The following PSMG2 variants were observed in gnomAD, a reference collection of about 807,000 sequenced individuals.
PSMG2 encodes the protein CD40 ligand-activated specific transcript 3.
In PSMG2, 21 loss-of-function variants were observed where a neutral mutation model predicts 31.5. That is an observed-to-expected ratio of 0.67 (90% CI 0.47 to 0.96). The LOEUF (loss-of-function observed/expected upper bound fraction) is 0.96. Ranked by LOEUF, PSMG2 falls within the 40% of genes least tolerant of loss-of-function variation. PSMG2 has a pLI of 0.00. For synonymous variants in PSMG2, 120 were observed against 110.4 expected, an observed-to-expected ratio of 1.09 and a Z score of -0.54; for missense variants, 318 against 321.2, an observed-to-expected ratio of 0.99 and a Z score of 0.08.
At chr18:12,704,259 GTTAAAGATTTGGGTTGTATAA>G (rs2040236829) in intron 1 of PSMG2, among the ~76,000 whole-genome samples, 1 of 152,126 alleles carries the variant, frequency 6.6e-6, no homozygotes, top group African/African-American at 2.4e-5. Flanking sequence ...TAGAAAACAA[GTTAAAGATTTGGGTTGTATAA>G]TATATATTCA....
In PSMG2 at chr18:12,706,720, A is replaced by G. The variant is rs371581962; in HGVS notation, c.228A>G (p.Glu76=). The G allele has an allele frequency of 6.3e-7, 1 of 1,598,590 alleles. No individual in the cohort carries two copies. Among genetic ancestry groups the G allele is most frequent in the African/African-American group, 1.3e-5 (1 of 74,750 alleles). Reference sequence around the variant, plus strand: ...CAACAGAACTTAGCATAAATGCTGAAGGTATGTAAGACTTTACCTTGTATT... The same window carrying G: ...CAACAGAACTTAGCATAAATGCTGAGGGTATGTAAGACTTTACCTTGTATT... ...GNSTELSINA[E]VYSLPSRKLV... is the part of the protein sequence containing the mutation. The change falls in exon 2 of 7, where the codon GAA becomes GAG. Residue 76 remains glutamate (E), a splice_region_variant and synonymous_variant. Coordinates refer to ENST00000317615, the MANE Select transcript of PSMG2 (RefSeq NM_020232.5).
intron 1 of PSMG2, among the ~76,000 whole-genome samples, chr18:12,666,928 CATA>C (rs1242701026): frequency 3.3e-5 from 5 of 151,910 alleles, no homozygotes; most frequent in African/African-American, 9.7e-5. Flanking sequence ...AAATCTTATT[CATA>C]ATGAGTTTAA....
chr18:12,666,295 C>T (rs1202235674), intron 1 of PSMG2, among the ~76,000 whole-genome samples: 1 of 152,098 alleles, frequency 6.6e-6, no homozygotes, highest in Non-Finnish European at 1.5e-5. Context: ...CACCCCTGCA[C>T]TCTAGCCTGG....
At chr18:12,702,548 T>G (rs2040196889), upstream of PSMG2, 7 of 1,598,054 alleles carry the variant, frequency 4.4e-6, no homozygotes, top group Non-Finnish European at 5.1e-6. Flanking sequence ...GGCAGCGACA[T>G]GCTGGCAGCC....
chr18:12,709,648 G>A (rs563039139), intron 2 of PSMG2, among the ~76,000 whole-genome samples: 19 of 151,916 alleles, frequency 1.3e-4, no homozygotes, highest in African/African-American at 4.3e-4. Context: ...ACAGGTCCAC[G>A]CCCCCACGCC....
At chr18:12,711,053 T>G (rs963920) in intron 2 of PSMG2, among the ~76,000 whole-genome samples, 37,366 of 151,326 alleles carry the variant, frequency 0.25, 5,119 homozygotes, top group Non-Finnish European at 0.32. Context: ...TGACCCGAGA[T>G]CACACCATTG....
chr18:12,688,228 CAAAA>C (rs11337170), intron 1 of PSMG2, among the ~76,000 whole-genome samples: 2 of 94,042 alleles, frequency 2.1e-5, no homozygotes, highest in Non-Finnish European at 4.3e-5. Context: ...GACTCCATCT[CAAAA>C]AAAAAAAAAA....
intron 3 of PSMG2, among the ~76,000 whole-genome samples, chr18:12,713,963 C>T (rs1204817502): frequency 6.6e-6 from 1 of 152,062 alleles, no homozygotes; most frequent in Non-Finnish European, 1.5e-5. Context: ...GTTGGCCAGG[C>T]TGGTCTCCAA....
At chr18:12,705,066 C>CTT (rs1013314195) in intron 1 of PSMG2, among the ~76,000 whole-genome samples, 4 of 144,556 alleles carry the variant, frequency 2.8e-5, no homozygotes, top group Admixed American at 6.9e-5. Flanking sequence ...TAATATTGAA[C>CTT]TTTTTTTTTT....
intron 1 of PSMG2, among the ~76,000 whole-genome samples, chr18:12,670,014 A>G (rs904733501): frequency 6.6e-6 from 1 of 150,636 alleles, no homozygotes; most frequent in African/African-American, 2.4e-5. Context: ...AAAGAAAAGA[A>G]AAAGAAAAAG....
intron 3 of PSMG2, among the ~76,000 whole-genome samples, chr18:12,717,580 A>C (rs944978867): frequency 6.6e-6 from 1 of 152,228 alleles, no homozygotes; most frequent in African/African-American, 2.4e-5. Flanking sequence ...ACACCCAAGA[A>C]AACCAGCATT....
intron 2 of PSMG2, among the ~76,000 whole-genome samples, chr18:12,709,008 C>T (rs1440582822): frequency 2.6e-5 from 4 of 151,412 alleles, no homozygotes; most frequent in African/African-American, 7.3e-5. Flanking sequence ...AGCAACTGCG[C>T]CCGGCCCCCG....
intron 2 of PSMG2, 87 bp downstream of exon 2, chr18:12,706,808 GC>G (rs1339102171): frequency 7.2e-7 from 1 of 1,391,880 alleles, no homozygotes; most frequent in Non-Finnish European, 9.6e-7. Flanking sequence ...TTGTTTTGTA[GC>G]AAATGTTTAC....
chr18:12,689,377 T>G (rs991780342), intron 1 of PSMG2, among the ~76,000 whole-genome samples: 1 of 152,160 alleles, frequency 6.6e-6, no homozygotes, highest in Non-Finnish European at 1.5e-5. Context: ...AAGGCACCAG[T>G]TGAAACTCCA....
intron 1 of PSMG2, among the ~76,000 whole-genome samples, chr18:12,660,676 AT>A (rs1175303457): frequency 6.6e-6 from 1 of 152,030 alleles, no homozygotes; most frequent in Non-Finnish European, 1.5e-5. Flanking sequence ...TTGAGTGATG[AT>A]TTTTTTTAAC....
intron 2 of PSMG2, 56 bp downstream of exon 2, chr18:12,706,777 A>G: frequency 6.7e-7 from 1 of 1,502,470 alleles, no homozygotes; most frequent in African/African-American, 1.4e-5. Flanking sequence ...GTTTTAAATT[A>G]GAAATAGACT....
At chr18:12,690,448 CCA>C (rs1188410749) in intron 1 of PSMG2, among the ~76,000 whole-genome samples, 2 of 151,550 alleles carry the variant, frequency 1.3e-5, no homozygotes, top group Non-Finnish European at 2.9e-5. Flanking sequence ...GTGAACCTGA[CCA>C]CATTTTTTGT....
intron 1 of PSMG2, chr18:12,662,011 T>C (rs924866781): frequency 1.6e-5 from 4 of 255,322 alleles, no homozygotes; most frequent in Non-Finnish European, 2.4e-5. Flanking sequence ...TGACTTTTTT[T>C]ATATTTACTT....
chr18:12,702,634 G>T, upstream of PSMG2: 1 of 1,438,412 alleles, frequency 7.0e-7, no homozygotes, highest in South Asian at 1.3e-5. Context: ...AGCGTTAGGA[G>T]CGACTGGAGC....
Sources: allele counts gnomAD v4.1 joint callset (sites outside exome capture counted in the v4.1 genomes callset), GRCh38; gene constraint gnomAD v4.1.1; transcripts MANE v1.5; gene names NCBI Gene and HGNC (gene_info 2026-07-23, HGNC 2026-07-21).